Variants in ABCA6 observed in about 807,000 individuals in gnomAD.
The protein encoded by ABCA6 is ATP-binding cassette sub-family A member 6.
In ABCA6, 164 loss-of-function variants were observed where a neutral mutation model predicts 191.2. That is an observed-to-expected ratio of 0.86 (90% confidence interval 0.76 to 0.98). The LOEUF (loss-of-function observed/expected upper bound fraction) is 0.98. ABCA6 is among the 50% of genes least tolerant of loss of function. ABCA6 has a pLI of 0.00. For missense variants in ABCA6, 1,958 were observed against 1,894.1 expected (o/e 1.03, Z -0.63); for synonymous variants, 636 against 647.7 (o/e 0.98, Z 0.27).
chr17:69,141,046 A>C (rs929956201), intron 1 of ABCA6, among the ~76,000 whole-genome samples: 1 of 152,080 alleles, frequency 6.6e-6, no homozygotes, highest in African/African-American at 2.4e-5. Flanking sequence ...CTTTAAGTAC[A>C]TGAATAGAGT....
At chr17:69,127,865 A>G (rs940829850) in intron 8 of ABCA6, among the ~76,000 whole-genome samples, 1 of 152,168 alleles carries the variant, frequency 6.6e-6, no homozygotes, top group African/African-American at 2.4e-5. Flanking sequence ...AAAACTAAAA[A>G]TTATCATAAT....
chr17:69,117,983 T>C (rs775850992), intron 10 of ABCA6, 27 bp from the exon 11 acceptor site: 3 of 1,528,558 alleles, frequency 2.0e-6, no homozygotes, highest in South Asian at 1.2e-5. Context: ...GGTGCTTACT[T>C]AGCCAACACA....
intron 29 of ABCA6, among the ~76,000 whole-genome samples, chr17:69,087,074 G>A (rs1361986632): frequency 6.6e-6 from 1 of 152,110 alleles, no homozygotes; most frequent in Admixed American, 6.5e-5. Context: ...AACTCATGAG[G>A]TCTTGTTGGT....
At chr17:69,136,875 T>C (rs537780245) in intron 3 of ABCA6, among the ~76,000 whole-genome samples, 2 of 152,302 alleles carry the variant, frequency 1.3e-5, no homozygotes, top group South Asian at 4.1e-4. Flanking sequence ...AGATTATTCA[T>C]TTCTGCTTTT....
chr17:69,111,954 T>A, intron 16 of ABCA6: 3 of 437,172 alleles, frequency 6.9e-6, no homozygotes, highest in Non-Finnish European at 1.2e-5. Flanking sequence ...GCACATGAAG[T>A]AGTCTTGCTG....
rs1277813778 is a variant in ABCA6, at chr17:69,089,414, G to C, written c.3606+51C>G. 3 of 1,526,062 alleles carry C rather than the reference G, an allele frequency of 2.0e-6. No homozygotes were observed. In the South Asian group the frequency reaches 3.4e-5, roughly 17 times the overall value. 94.5% of individuals were successfully genotyped at this position (1,526,062 alleles called of 1,614,324 possible). A position where few individuals can be genotyped will look rare whatever the true frequency, so the allele number is the denominator to read the frequency against. The stretch of plus-strand genomic sequence containing the variant: ...TTGGACAAGATCAAATTGTTATAGT[G>C]AATGACAGTCATCCAAAAGAATGTG... On this transcript the variant is annotated intron_variant, in intron 27 of 38. Transcript: ENST00000284425.
chr17:69,111,020 G>C, intron 16 of ABCA6, 80 bp from the exon 17 acceptor site: 1 of 1,348,972 alleles, frequency 7.4e-7, no homozygotes, highest in East Asian at 2.4e-5. Context: ...TGAACACCTA[G>C]CTGTTGAGCA....
intron 7 of ABCA6, among the ~76,000 whole-genome samples, chr17:69,129,031 T>TG (rs375094060): frequency 1.5e-4 from 23 of 151,818 alleles, no homozygotes; most frequent in Admixed American, 1.4e-3. Flanking sequence ...TAGGAAAGGG[T>TG]GGGGGAAAAG....
chr17:69,093,475 A>T (rs1026710399), intron 25 of ABCA6, among the ~76,000 whole-genome samples: 3 of 152,224 alleles, frequency 2.0e-5, no homozygotes, highest in Non-Finnish European at 2.9e-5. Context: ...GTTAAATTGC[A>T]ACTCATATTT....
At chr17:69,105,963 A>T (rs2073292369) in intron 19 of ABCA6, 65 bp downstream of exon 19, 1 of 1,479,618 alleles carries the variant, frequency 6.8e-7, no homozygotes, top group Non-Finnish European at 9.1e-7. Context: ...GTTTTAAATT[A>T]TCTTCTGGTT....
chr17:69,084,236 A>G (rs776233609), intron 34 of ABCA6, 25 bp downstream of exon 34: 37 of 1,607,946 alleles, frequency 2.3e-5, no homozygotes, highest in Non-Finnish European at 3.1e-5. Flanking sequence ...GCATGCTCGC[A>G]GCTCTGGGGT....
chr17:69,091,037 G>T, intron 26 of ABCA6, 106 bp downstream of exon 26: 3 of 1,170,574 alleles, frequency 2.6e-6, no homozygotes, highest in Non-Finnish European at 3.5e-6. Context: ...ATGCCCATTT[G>T]CTGTTACTCC....
chr17:69,118,962 C>G (rs533543167), intron 10 of ABCA6, among the ~76,000 whole-genome samples: 3 of 151,926 alleles, frequency 2.0e-5, no homozygotes, highest in East Asian at 3.9e-4. Flanking sequence ...AGACACACAG[C>G]TCTTAATCAG....
Position 69,084,951 on chromosome 17 carries a change from C to T in ABCA6, c.4184+77G>A, listed in dbSNP as rs560766436. On this transcript the variant is annotated intron_variant, in intron 32 of 38. Coordinates refer to ENST00000284425, the MANE Select transcript of ABCA6 (RefSeq NM_080284.3). ...GGAGATAGCATATTGACTCTCGGTT[C>T]TTTATTAGTGAATTCATCATCAGTG... 3.7e-5 allele frequency: 55 copies of T among 1,488,074 alleles called. No individual in the cohort carries two copies. In the East Asian group the frequency reaches 7.1e-4, roughly 19 times the overall value. The allele number at this position is 1,488,074 out of a possible 1,614,324, so 92.2% of individuals were successfully genotyped here.
Position 69,112,263 on chromosome 17 carries a change from C to A in ABCA6, c.2052G>T (p.Val684=). 6.2e-7 allele frequency: 1 copy of A among 1,611,050 alleles called. No individual in the cohort carries two copies. The highest frequency in any genetic ancestry group is 8.5e-7 in the Non-Finnish European group (1 of 1,177,864). Residue 684 remains valine, a synonymous_variant, in exon 16 of 39, where the codon GTG becomes GTT. Transcript: ENST00000284425. ...DEADILADRK[V]IMSNGRLKCA... ...ACTTCAGTCTCCCATTGGACATGAT[C>A]ACTTTTCTATCTGAATGAAAGAAAT...
chr17:69,114,939 TAAGAA>T lies in ABCA6; in HGVS notation c.1607-7_1607-3del. ...TTTTATTATAGATGGTAACTGATCC[TAAGAA>T]TAGAAGTTAAAAATAAAATTGGCAA... On this transcript the variant is annotated splice_region_variant and splice_polypyrimidine_tract_variant and intron_variant, in intron 12 of 38. Transcript: ENST00000284425. 6.3e-7 allele frequency: 1 copy of T among 1,596,568 alleles called. No homozygotes were observed. Among genetic ancestry groups the T allele is most frequent in the Non-Finnish European group, 8.5e-7 (1 of 1,170,394 alleles).
chr17:69,082,740 T>C, intron 36 of ABCA6, 133 bp downstream of exon 36: 2 of 1,347,440 alleles, frequency 1.5e-6, no homozygotes, highest in Non-Finnish European at 2.0e-6. Flanking sequence ...TCTGGAATAC[T>C]GAACAAATCC....
intron 24 of ABCA6, 84 bp from the exon 25 acceptor site, chr17:69,096,437 T>G: frequency 1.2e-6 from 1 of 859,890 alleles, no homozygotes. Flanking sequence ...AAAAAACAAG[T>G]AACCTGGCAT....
At chr17:69,104,097 G>A (rs1320395618) in intron 20 of ABCA6, 2 of 151,922 alleles carry the variant, frequency 1.3e-5, no homozygotes, top group African/African-American at 2.4e-5. Flanking sequence ...CACTTGAGGT[G>A]CAATGCCATA....
Sources: gnomAD v4.1 joint callset for allele counts (sites outside exome capture counted in the v4.1 genomes callset) on GRCh38, gnomAD v4.1.1 for gene constraint, MANE v1.5 for transcripts, NCBI Gene and HGNC (gene_info 2026-07-23, HGNC 2026-07-21) for gene names.